The following SUPT3H variants were observed in gnomAD, a reference collection of about 807,000 sequenced individuals.
SUPT3H encodes transcription initiation protein SPT3 homolog.
A neutral mutation model predicts 44.3 loss-of-function variants in SUPT3H; 44 were observed. That is an observed-to-expected ratio of 0.99 (90% confidence interval 0.78 to 1.28). SUPT3H has a LOEUF of 1.28. Ranked by LOEUF, SUPT3H falls within the 50% of genes most tolerant of loss-of-function variation. The pLI is 0.00. For synonymous variants in SUPT3H, 124 were observed against 125.6 expected (o/e 0.99, Z 0.09); for missense variants, 380 against 387.1 (o/e 0.98, Z 0.15).
intron 10 of SUPT3H, among the ~76,000 whole-genome samples, chr6:44,894,793 C>A (rs2153444363): frequency 6.6e-6 from 1 of 150,648 alleles, no homozygotes; most frequent in African/African-American, 2.4e-5. Context: ...CCCTTATAGG[C>A]CAGGAAAACC....
chr6:44,838,152 C>T (rs1032074594), intron 10 of SUPT3H, among the ~76,000 whole-genome samples: 2 of 152,136 alleles, frequency 1.3e-5, no homozygotes, highest in African/African-American at 4.8e-5. Flanking sequence ...CAATTACATT[C>T]GGTAGCCACC....
chr6:45,049,003 T>G (rs1789855205), intron 3 of SUPT3H, among the ~76,000 whole-genome samples: 1 of 152,152 alleles, frequency 6.6e-6, no homozygotes, highest in African/African-American at 2.4e-5. Flanking sequence ...ATAACAAATG[T>G]ATTCTCGCAA....
chr6:45,269,327 A>T (rs1461022570), intron 2 of SUPT3H, among the ~76,000 whole-genome samples: 2 of 152,164 alleles, frequency 1.3e-5, no homozygotes, highest in Non-Finnish European at 2.9e-5. Flanking sequence ...GTTTAACACC[A>T]TTTTATCAAG....
intron 10 of SUPT3H, among the ~76,000 whole-genome samples, chr6:44,928,752 G>A (rs1769950257): frequency 6.6e-6 from 1 of 150,636 alleles, no homozygotes; most frequent in Non-Finnish European, 1.5e-5. Context: ...GCGCAGTGGC[G>A]GGCGCCTGTA....
intron 10 of SUPT3H, among the ~76,000 whole-genome samples, chr6:44,838,547 C>G (rs1461134528): frequency 1.3e-5 from 2 of 151,926 alleles, no homozygotes; most frequent in Non-Finnish European, 2.9e-5. Flanking sequence ...TAAGTAAGGC[C>G]AAGAGGAGAG....
Position 45,169,191 on chromosome 6 carries a change from A to G in SUPT3H, c.102-63185T>C, listed in dbSNP as rs545517241. On this transcript the variant is annotated intron_variant, in intron 2 of 10. Transcript: ENST00000371459. ...TCATTTACAGATGAGGGAAAATATT[A>G]AGCCAAAATTAGTGGTATAATTTGG... Among the ~76,000 whole-genome samples, 27 of 152,334 alleles carry G rather than the reference A, an allele frequency of 1.8e-4. No homozygotes were observed. The East Asian group carries it at 2.1e-3, about 12-fold the overall frequency.
intron 2 of SUPT3H, among the ~76,000 whole-genome samples, chr6:45,220,768 G>T (rs1017550115): frequency 5.3e-5 from 8 of 152,162 alleles, no homozygotes; most frequent in African/African-American, 1.9e-4. Flanking sequence ...ACAGGCATGG[G>T]CAAGACACTG....
At chr6:44,946,341 A>T (rs1325485385) in intron 9 of SUPT3H, among the ~76,000 whole-genome samples, 1 of 152,240 alleles carries the variant, frequency 6.6e-6, no homozygotes, top group Non-Finnish European at 1.5e-5. Context: ...CTTAAGAAAT[A>T]TATTTCATAA....
At chr6:45,313,575 G>A (rs573183045) in intron 2 of SUPT3H, among the ~76,000 whole-genome samples, 82 of 151,076 alleles carry the variant, frequency 5.4e-4, no homozygotes, top group Middle Eastern at 3.4e-3. Flanking sequence ...ATACAACCCT[G>A]CTAGCTTAAA....
chr6:45,348,931 C>T (rs76626857), intron 2 of SUPT3H, among the ~76,000 whole-genome samples: 1 of 152,082 alleles, frequency 6.6e-6, no homozygotes, highest in Non-Finnish European at 1.5e-5. Flanking sequence ...GTCCTTATCA[C>T]AATTTATAAT....
At chr6:45,219,902 G>A (rs189780026) in intron 2 of SUPT3H, among the ~76,000 whole-genome samples, 127 of 151,816 alleles carry the variant, frequency 8.4e-4, no homozygotes, top group Admixed American at 8.1e-3. Flanking sequence ...AGCTGGGTGT[G>A]GTGGCACGTG....
chr6:44,908,154 CT>C (rs70993481), intron 10 of SUPT3H, among the ~76,000 whole-genome samples: 256 of 136,902 alleles, frequency 1.9e-3, no homozygotes, highest in Non-Finnish European at 2.9e-3. Flanking sequence ...TTTTTCTTTT[CT>C]TTTTTTTTTT....
chr6:45,149,785 T>C (rs573542195), intron 2 of SUPT3H, among the ~76,000 whole-genome samples: 7 of 152,282 alleles, frequency 4.6e-5, no homozygotes, highest in African/African-American at 1.7e-4. Flanking sequence ...CAAATATCTC[T>C]ATGTTTAGTA....
intron 2 of SUPT3H, among the ~76,000 whole-genome samples, chr6:45,291,070 A>G (rs1484052250): frequency 7.2e-5 from 11 of 152,150 alleles, no homozygotes; most frequent in Admixed American, 7.2e-4. Flanking sequence ...GAGACACCCC[A>G]AATACTGTGC....
chr6:44,863,582 C>T (rs1281618142), intron 10 of SUPT3H, among the ~76,000 whole-genome samples: 1 of 151,978 alleles, frequency 6.6e-6, no homozygotes, highest in Non-Finnish European at 1.5e-5. Flanking sequence ...TAAGTGGAGT[C>T]TTTGAGGAAC....
intron 3 of SUPT3H, among the ~76,000 whole-genome samples, chr6:45,021,366 TG>T (rs1785110170): frequency 6.6e-6 from 1 of 151,798 alleles, no homozygotes; most frequent in Non-Finnish European, 1.5e-5. Flanking sequence ...AAAAATGACA[TG>T]GAAAATAAAA....
intron 3 of SUPT3H, among the ~76,000 whole-genome samples, chr6:45,056,407 A>G (rs1791133285): frequency 1.3e-5 from 2 of 152,226 alleles, no homozygotes; most frequent in Non-Finnish European, 2.9e-5. Flanking sequence ...ACAATTCACA[A>G]TTGCAAAAAT....
intron 2 of SUPT3H, among the ~76,000 whole-genome samples, chr6:45,214,925 T>A (rs1427732283): frequency 6.6e-6 from 1 of 151,912 alleles, no homozygotes; most frequent in Non-Finnish European, 1.5e-5. Context: ...TGATACTACC[T>A]CTGCAACCAG....
At chr6:45,322,244 G>A (rs1457652173) in intron 2 of SUPT3H, among the ~76,000 whole-genome samples, 2 of 151,782 alleles carry the variant, frequency 1.3e-5, no homozygotes, top group African/African-American at 2.4e-5. Context: ...TGAATAACAC[G>A]TATATTATGC....
Sources: gnomAD v4.1 joint callset for allele counts (sites outside exome capture counted in the v4.1 genomes callset) on GRCh38, gnomAD v4.1.1 for gene constraint, MANE v1.5 for transcripts, NCBI Gene and HGNC (gene_info 2026-07-23, HGNC 2026-07-21) for gene names.